The following ME3 variants were observed in gnomAD, a reference collection of about 807,000 sequenced individuals.
The protein encoded by ME3 is malic enzyme 3, also known as NADP-dependent malic enzyme, mitochondrial.
Under a neutral mutation model 68.9 loss-of-function variants are expected in ME3, and 48 were observed. That is an observed-to-expected ratio of 0.70 (90% CI 0.55 to 0.89). The LOEUF (loss-of-function observed/expected upper bound fraction) is 0.89, where lower values mean the gene tolerates loss of function less well. ME3 is among the 40% of genes least tolerant of loss of function. The pLI is 0.00. For synonymous variants in ME3, 320 were observed against 318.8 expected, an observed-to-expected ratio of 1.00 and a Z score of -0.04; for missense variants, 675 against 797.4, an observed-to-expected ratio of 0.85 and a Z score of 1.85.
chr11:86,648,841 C>T (rs767446470), intron 2 of ME3, among the ~76,000 whole-genome samples: 1 of 152,010 alleles, frequency 6.6e-6, no homozygotes. Context: ...GCCTACCAAC[C>T]AAAAAAGCCC....
chr11:86,560,773 T>TATATATATATATATATATATATATATA (rs57467556), intron 2 of ME3, among the ~76,000 whole-genome samples: 11 of 140,124 alleles, frequency 7.9e-5, no homozygotes, highest in African/African-American at 2.1e-4. Context: ...TATATATATA[T>TATATATATATATATATATATATATATA]TTCCAGGACC....
chr11:86,645,172 T>C lies in ME3; in HGVS notation c.183+26590A>G, dbSNP rs192440375. Among the ~76,000 whole-genome samples the C allele has an allele frequency of 1.8e-3, 281 of 152,292 alleles. 2 individuals are homozygous for C. The highest frequency in any genetic ancestry group is 3.4e-3 in the Middle Eastern group (1 of 294). ...CACCAAACTAGCTGCAGGAGTATTTTTTTTGTAACCTAGTGGCAGCTGGAA... is the reference window on the plus strand; with the variant it reads ...CACCAAACTAGCTGCAGGAGTATTTCTTTTGTAACCTAGTGGCAGCTGGAA... On this transcript the variant is annotated intron_variant, in intron 2 of 14. Transcript: ENST00000543262.
At chr11:86,644,160 A>G (rs755550545) in intron 2 of ME3, among the ~76,000 whole-genome samples, 57 of 152,146 alleles carry the variant, frequency 3.7e-4, no homozygotes, top group Non-Finnish European at 5.1e-4. Context: ...ACAGTGGGGC[A>G]GCCCCGGTTG....
At chr11:86,612,873 G>A (rs1203316047) in intron 2 of ME3, among the ~76,000 whole-genome samples, 1 of 152,168 alleles carries the variant, frequency 6.6e-6, no homozygotes, top group Non-Finnish European at 1.5e-5. Flanking sequence ...TGTTCACTCT[G>A]ATGCTAGTTT....
At chr11:86,605,298 T>G (rs1260812290) in intron 2 of ME3, among the ~76,000 whole-genome samples, 1 of 152,214 alleles carries the variant, frequency 6.6e-6, no homozygotes, top group African/African-American at 2.4e-5. Flanking sequence ...ATTTCCAACC[T>G]ATGCCACCGG....
intron 7 of ME3, among the ~76,000 whole-genome samples, chr11:86,474,576 G>C (rs1346679109): frequency 1.3e-5 from 2 of 152,176 alleles, no homozygotes; most frequent in Admixed American, 6.5e-5. Context: ...TGGCTGGCTT[G>C]GGGGCTTCAG....
chr11:86,617,999 G>A (rs1943085238), intron 2 of ME3, among the ~76,000 whole-genome samples: 1 of 152,066 alleles, frequency 6.6e-6, no homozygotes, highest in African/African-American at 2.4e-5. Context: ...TAGGACCTGA[G>A]TTCAAATTCA....
intron 2 of ME3, among the ~76,000 whole-genome samples, chr11:86,648,979 T>C (rs1292550775): frequency 1.3e-5 from 2 of 151,814 alleles, no homozygotes; most frequent in Non-Finnish European, 2.9e-5. Flanking sequence ...GCCAGAATCA[T>C]CCTGATACCA....
rs1960513020 is a variant in ME3 at position 86,600,833 on chromosome 11, A to C, written c.184-41010T>G. 2.6e-5 allele frequency among the ~76,000 whole-genome samples: 4 copies of C among 152,008 alleles called. No homozygotes were observed. In the South Asian group the frequency reaches 8.3e-4, roughly 32 times the overall value. On this transcript the variant is annotated intron_variant, in intron 2 of 14. Transcript: ENST00000543262. ...CCACTCAACTACATGGAAACTGAAC[A>C]ACCTGCTCCTGAATGACTACTGGGT...
At chr11:86,614,753 T>G (rs1053534195) in intron 2 of ME3, among the ~76,000 whole-genome samples, 1 of 152,114 alleles carries the variant, frequency 6.6e-6, no homozygotes, top group African/African-American at 2.4e-5. Flanking sequence ...CTGAGTTAAG[T>G]GTTGTGGAAA....
At chr11:86,494,034 C>G (rs901480038) in intron 6 of ME3, among the ~76,000 whole-genome samples, 1 of 145,760 alleles carries the variant, frequency 6.9e-6, no homozygotes, top group African/African-American at 2.6e-5. Context: ...GGGGGAATAT[C>G]TTGCAAACGG....
chr11:86,577,681 C>T (rs894560663), intron 2 of ME3, among the ~76,000 whole-genome samples: 11 of 152,178 alleles, frequency 7.2e-5, no homozygotes, highest in African/African-American at 2.7e-4. Context: ...GTTATTAACT[C>T]AAGTGCTTTA....
At chr11:86,534,107 A>G (rs1955478779) in intron 4 of ME3, among the ~76,000 whole-genome samples, 1 of 139,156 alleles carries the variant, frequency 7.2e-6, no homozygotes. Flanking sequence ...ATATATATAT[A>G]TATGTAAAAT....
chr11:86,615,594 C>A (rs1454973175), intron 2 of ME3, among the ~76,000 whole-genome samples: 1 of 152,182 alleles, frequency 6.6e-6, no homozygotes, highest in Non-Finnish European at 1.5e-5. Flanking sequence ...CTGTCTGAGT[C>A]TGCACCTTGC....
chr11:86,639,094 T>G (rs1221494013), intron 2 of ME3, among the ~76,000 whole-genome samples: 2 of 152,228 alleles, frequency 1.3e-5, no homozygotes, highest in African/African-American at 2.4e-5. Context: ...TCTCTCTCCG[T>G]GGCAAATGTT....
At chr11:86,448,291 G>A in intron 10 of ME3, 36 bp from the exon 11 acceptor site, 1 of 1,494,392 alleles carries the variant, frequency 6.7e-7, no homozygotes, top group South Asian at 1.1e-5. Flanking sequence ...TTGTGGTCGT[G>A]ATGGCCTGTT....
At chr11:86,443,299 G>T (rs1037870404) in intron 13 of ME3, among the ~76,000 whole-genome samples, 2 of 152,170 alleles carry the variant, frequency 1.3e-5, no homozygotes, top group Non-Finnish European at 1.5e-5. Context: ...CACGTGCTTG[G>T]TACCATCTTG....
chr11:86,637,867 A>G (rs913138112), intron 2 of ME3, among the ~76,000 whole-genome samples: 1 of 152,128 alleles, frequency 6.6e-6, no homozygotes, highest in Admixed American at 6.5e-5. Context: ...ACAGAAAAAT[A>G]GTCACTGATG....
intron 4 of ME3, among the ~76,000 whole-genome samples, chr11:86,531,940 A>G (rs1439355889): frequency 6.6e-6 from 1 of 152,034 alleles, no homozygotes; most frequent in Non-Finnish European, 1.5e-5. Flanking sequence ...ACAAACCTGC[A>G]CATTGTGCAC....
Sources: gnomAD v4.1 joint callset for allele counts (sites outside exome capture counted in the v4.1 genomes callset) on GRCh38, gnomAD v4.1.1 for gene constraint, MANE v1.5 for transcripts, NCBI Gene and HGNC (gene_info 2026-07-23, HGNC 2026-07-21) for gene names.